The following AGPAT1 variants were observed in gnomAD, a reference collection of about 807,000 sequenced individuals.
AGPAT1 encodes the protein 1-acyl-sn-glycerol-3-phosphate acyltransferase alpha.
In AGPAT1, 6 loss-of-function variants were observed where a neutral mutation model predicts 31.2. That is an observed-to-expected ratio of 0.19 (90% CI 0.11 to 0.38). The LOEUF (loss-of-function observed/expected upper bound fraction) is 0.38, where lower values mean the gene tolerates loss of function less well. AGPAT1 is among the 10% of genes least tolerant of loss of function. The pLI, the probability that AGPAT1 is intolerant of heterozygous loss-of-function variation, is 1.00. For synonymous variants in AGPAT1, 139 were observed against 154.0 expected (o/e 0.90, Z 0.72); for missense variants, 187 against 377.8 (o/e 0.49, Z 4.19).
Position 32,170,298 on chromosome 6 carries a change from T to C in AGPAT1, c.511-38A>G. On this transcript the variant is annotated intron_variant, in intron 4 of 6. Coordinates refer to ENST00000375107, the MANE Select transcript of AGPAT1 (RefSeq NM_006411.4). The surrounding 1 kb of genome is among the most constrained non-coding windows in gnomAD (Gnocchi z 7.7). ...GAGGGTCAAAGAAGACAAATACATA[T>C]GGAGGAGTCAGAATAGGTGTGATGT... 1.2e-6 allele frequency: 2 copies of C among 1,607,012 alleles called. No individual in the cohort carries two copies. Among genetic ancestry groups the C allele is most frequent in the Non-Finnish European group, 1.7e-6 (2 of 1,175,752 alleles).
rs1249449050 is a variant in AGPAT1, at chr6:32,174,796, T to C, written c.-10+1018A>G. Reference sequence around the variant, plus strand: ...AAAGTCCAAGGATTTAGAAATGCAATGGAGGGCCAAATTTAATGAGCATAC... The same window carrying C: ...AAAGTCCAAGGATTTAGAAATGCAACGGAGGGCCAAATTTAATGAGCATAC... On this transcript the variant is annotated intron_variant, in intron 1 of 6. Transcript: ENST00000375107. This position sits in a 1 kb window ranked among gnomAD's most constrained non-coding sequence, Gnocchi z 4.5. Among the ~76,000 whole-genome samples the C allele has an allele frequency of 6.6e-6, 1 of 152,232 alleles. No homozygotes were observed. The highest frequency in any genetic ancestry group is 1.5e-5 in the Non-Finnish European group (1 of 68,040).
rs1785067187 is a variant in AGPAT1 at position 32,171,216 on chromosome 6, A to G, written c.200+81T>C. 1.9e-6 allele frequency: 3 copies of G among 1,606,348 alleles called. No homozygotes were observed. Among genetic ancestry groups the G allele is most frequent in the Non-Finnish European group, 2.6e-6 (3 of 1,175,938 alleles). ...TGGTCTCTCTCAGTCTTTTCTACAC[A>G]CACCATGCCCCCTTCCCCCAATCCA... is the stretch of plus-strand genomic sequence containing the variant. On this transcript the variant is annotated intron_variant, in intron 2 of 6. Transcript: ENST00000375107. The surrounding 1 kb of genome is among the most constrained non-coding windows in gnomAD (Gnocchi z 6.9).
rs1299669568 is a variant in AGPAT1, at chr6:32,170,288, CAA to C, written c.511-30_511-29del. On this transcript the variant is annotated intron_variant, in intron 4 of 6. Transcript: ENST00000375107. This position sits in a 1 kb window ranked among gnomAD's most constrained non-coding sequence, Gnocchi z 7.7. ...GGGGGAGAAAGAGGGTCAAAGAAGA[CAA>C]ATACATATGGAGGAGTCAGAATAGG... 1 of 1,608,370 alleles carries C rather than the reference CAA, an allele frequency of 6.2e-7. No individual in the cohort carries two copies. Among genetic ancestry groups the C allele is most frequent in the Admixed American group, 1.7e-5 (1 of 58,980 alleles).
Position 32,170,673 on chromosome 6 carries a change from G to T in AGPAT1, c.335-73C>A. ...CACAGAAGGCAACCCACCTCACCCA[G>T]CTCATCACCCTCTGGTAGGGACTGG... On this transcript the variant is annotated intron_variant, in intron 3 of 6. Transcript: ENST00000375107. The surrounding 1 kb of genome is among the most constrained non-coding windows in gnomAD (Gnocchi z 7.7). 2 of 1,546,308 alleles carry T rather than the reference G, an allele frequency of 1.3e-6. No homozygotes were observed. Among genetic ancestry groups the T allele is most frequent in the Non-Finnish European group, 1.8e-6 (2 of 1,132,692 alleles).
rs1784992165 is a variant in AGPAT1 at position 32,170,499 on chromosome 6, A to T, written c.436T>A (p.Phe146Ile). 1 of 1,612,966 alleles carries T rather than the reference A, an allele frequency of 6.2e-7. No homozygotes were observed. The highest frequency in any genetic ancestry group is 1.3e-5 in the African/African-American group (1 of 74,938). Residue 146 changes from phenylalanine to isoleucine, a missense_variant, in exon 4 of 7, where the codon TTC becomes ATC. Physicochemically the swap from Phe to Ile is conservative, Grantham distance 21. This residue lies in a region of AGPAT1 where 113 missense variants were observed against 283.1 expected (regional missense o/e 0.40). Coordinates refer to ENST00000375107, the MANE Select transcript of AGPAT1 (RefSeq NM_006411.4). This position sits in a 1 kb window ranked among gnomAD's most constrained non-coding sequence, Gnocchi z 7.7. ...GLACWLAGVI[F>I]IDRKRTGDAI... ...TCCCCCGTGCGCTTCCGGTCGATGAAGATGACTCCTGCCAGCCAGCAGGCC... is the reference window on the plus strand; with the variant it reads ...TCCCCCGTGCGCTTCCGGTCGATGATGATGACTCCTGCCAGCCAGCAGGCC...
At chr6:32,178,103 G>C (rs531796614), upstream of AGPAT1, 3 of 155,836 alleles carry the variant, frequency 1.9e-5, no homozygotes, top group East Asian at 1.9e-4. Context: ...AGGAAGCGAA[G>C]GAAAGAAAGG....
rs1785284462 is a variant in AGPAT1, at chr6:32,173,590, C to T, written c.-9-2085G>A. Among the ~76,000 whole-genome samples, 1 of 152,210 alleles carries T rather than the reference C, an allele frequency of 6.6e-6. No homozygotes were observed. Among genetic ancestry groups the T allele is most frequent in the African/African-American group, 2.4e-5 (1 of 41,452 alleles). Reference sequence around the variant, plus strand: ...ATAAGTTGACTTCTGCTTACATCTTCGACCACATCCTCACAAAACTCTTTG... The same window carrying T: ...ATAAGTTGACTTCTGCTTACATCTTTGACCACATCCTCACAAAACTCTTTG... On this transcript the variant is annotated intron_variant, in intron 1 of 6. Coordinates refer to ENST00000375107, the MANE Select transcript of AGPAT1 (RefSeq NM_006411.4). The surrounding 1 kb of genome is among the most constrained non-coding windows in gnomAD (Gnocchi z 4.7).
Position 32,175,717 on chromosome 6 carries a change from C to T in AGPAT1, c.-10+97G>A, listed in dbSNP as rs969848229. 2.3e-5 allele frequency: 14 copies of T among 618,224 alleles called. No homozygotes were observed. The East Asian group carries it at 1.3e-3, about 56-fold the overall frequency. The allele number at this position is 618,224 out of a possible 1,614,324, so 38.3% of individuals were successfully genotyped here. On this transcript the variant is annotated intron_variant, in intron 1 of 6. Coordinates refer to ENST00000375107, the MANE Select transcript of AGPAT1 (RefSeq NM_006411.4). The surrounding 1 kb of genome is among the most constrained non-coding windows in gnomAD (Gnocchi z 4.5). ...TCCTTTCCCCAGCAACCCTCTCCCCCAGTCGGCCCTCCCAGACCCAATCTC... is the reference window on the plus strand; with the variant it reads ...TCCTTTCCCCAGCAACCCTCTCCCCTAGTCGGCCCTCCCAGACCCAATCTC...
In AGPAT1 at chr6:32,175,469, G is replaced by T. The variant is rs1384665198; in HGVS notation, c.-10+345C>A. ...TATTCCTAAGAGGCAAATTCTGCTG[G>T]CCTTCTCCCCTCATGACCCTTCAAG... On this transcript the variant is annotated intron_variant, in intron 1 of 6. Coordinates refer to ENST00000375107, the MANE Select transcript of AGPAT1 (RefSeq NM_006411.4). The surrounding 1 kb of genome is among the most constrained non-coding windows in gnomAD (Gnocchi z 4.5). Among the ~76,000 whole-genome samples, 1 of 152,120 alleles carries T rather than the reference G, an allele frequency of 6.6e-6. No individual in the cohort carries two copies. The highest frequency in any genetic ancestry group is 1.5e-5 in the Non-Finnish European group (1 of 68,016).
Position 32,168,234 on chromosome 6 carries a change from G to GT in AGPAT1, c.*1041dup, listed in dbSNP as rs200419706. 0.011 allele frequency: 4,936 copies of GT among 459,520 alleles called. 205 individuals are homozygous for GT. The highest frequency in any genetic ancestry group is 0.084 in the East Asian group (2,510 of 29,918). 28.5% of individuals were successfully genotyped at this position (459,520 alleles called of 1,614,324 possible). Reference sequence around the variant, plus strand: ...AGATCTCTCTCTCTCTTTATTTTCAGTTTTTTTGCTGTTATCCAGATAATT... The same window carrying GT: ...AGATCTCTCTCTCTCTTTATTTTCAGTTTTTTTTGCTGTTATCCAGATAATT... On this transcript the variant is annotated 3_prime_UTR_variant, in exon 7 of 7. Transcript: ENST00000375107. This position sits in a 1 kb window ranked among gnomAD's most constrained non-coding sequence, Gnocchi z 4.5.
chr6:32,172,169 G>A lies in AGPAT1; in HGVS notation c.-9-664C>T, dbSNP rs1288652814. Among the ~76,000 whole-genome samples, 8 of 152,016 alleles carry A rather than the reference G, an allele frequency of 5.3e-5. No homozygotes were observed. The highest frequency in any genetic ancestry group is 1.5e-4 in the African/African-American group (6 of 41,372). On this transcript the variant is annotated intron_variant, in intron 1 of 6. Coordinates refer to ENST00000375107, the MANE Select transcript of AGPAT1 (RefSeq NM_006411.4). The surrounding 1 kb of genome is among the most constrained non-coding windows in gnomAD (Gnocchi z 4.3). Reference sequence around the variant, plus strand: ...TCTACTAAAAATACAAAAATTAGCCGGGCCTGTTGGCGCATGCCTTTAATC... The same window carrying A: ...TCTACTAAAAATACAAAAATTAGCCAGGCCTGTTGGCGCATGCCTTTAATC...
rs975811201 is a variant in AGPAT1 at position 32,169,433 on chromosome 6, C to T, written c.695G>A (p.Arg232Gln). 28 of 1,612,388 alleles carry T rather than the reference C, an allele frequency of 1.7e-5. No homozygotes were observed. Among genetic ancestry groups the T allele is most frequent in the Non-Finnish European group, 2.1e-5 (25 of 1,179,912 alleles). Residue 232 changes from arginine to glutamine, a missense_variant, in exon 7 of 7, where the codon CGG becomes CAG. Arg to Gln is a conservative substitution (Grantham distance 43). This residue lies in a region of AGPAT1 where 113 missense variants were observed against 283.1 expected (regional missense o/e 0.40). Coordinates refer to ENST00000375107, the MANE Select transcript of AGPAT1 (RefSeq NM_006411.4). The surrounding 1 kb of genome is among the most constrained non-coding windows in gnomAD (Gnocchi z 5.9). Reference protein sequence around the residue: ...RRFTSGQCQVRVLPPVPTEGL... With the variant: ...RRFTSGQCQVQVLPPVPTEGL... ...TTCCGTGGGCACTGGGGGCAGCACC[C>T]GCACCTGACATTGTCCTGGGGCAAG...
In AGPAT1 at chr6:32,171,395, G is replaced by T; in HGVS notation, c.102C>A (p.Tyr34Ter). 6.2e-7 allele frequency: 1 copy of T among 1,613,214 alleles called. No individual in the cohort carries two copies. Among genetic ancestry groups the T allele is most frequent in the Non-Finnish European group, 8.5e-7 (1 of 1,180,048 alleles). Residue 34 changes from tyrosine (Y) to a stop codon, truncating the protein, a stop_gained, in exon 2 of 7, where the codon TAC (tyrosine) becomes TAA (stop). Transcript: ENST00000375107. LOFTEE classifies it high-confidence loss of function. The surrounding 1 kb of genome is among the most constrained non-coding windows in gnomAD (Gnocchi z 6.9). Reference sequence around the variant, plus strand: ...CATTGTAGAAGGCCATCTTGAAGAAGTACTTGGCACTGGGGCTGCAGAACC... The same window carrying T: ...CATTGTAGAAGGCCATCTTGAAGAATTACTTGGCACTGGGGCTGCAGAACC... ...TLWFCSPSAK[Y>*]FFKMAFYNGW...
chr6:32,171,841 T>C lies in AGPAT1; in HGVS notation c.-9-336A>G, dbSNP rs1785136480. The C allele has an allele frequency of 6.4e-5, 29 of 456,616 alleles. No homozygotes were observed. In the South Asian group the frequency reaches 7.6e-4, roughly 12 times the overall value. The allele number at this position is 456,616 out of a possible 1,614,324, so 28.3% of individuals were successfully genotyped here. On this transcript the variant is annotated intron_variant, in intron 1 of 6. Coordinates refer to ENST00000375107, the MANE Select transcript of AGPAT1 (RefSeq NM_006411.4). This position sits in a 1 kb window ranked among gnomAD's most constrained non-coding sequence, Gnocchi z 6.9. ...CTTGTAGCTGGTAAGGGTCTTATAA[T>C]GGTCTATACTTGTGCTGTCCGAGAA... is the stretch of plus-strand genomic sequence containing the variant.
In AGPAT1 at chr6:32,176,013, G is replaced by A. The variant is rs1354319101; in HGVS notation, c.-209C>T. 1.0e-6 allele frequency: 1 copy of A among 985,154 alleles called. No individual in the cohort carries two copies. The highest frequency in any genetic ancestry group is 1.8e-5 in the African/African-American group (1 of 57,110). The allele number at this position is 985,154 out of a possible 1,614,324, so 61.0% of individuals were successfully genotyped here. On this transcript the variant is annotated 5_prime_UTR_variant, in exon 1 of 7. Transcript: ENST00000375107. ...GCCCATAGCGGTAGGAATGGTGGGG[G>A]GCTGTCCCCCCAGCACCCTCCCTCC...
In AGPAT1 at chr6:32,170,704, AAGG is replaced by A. The variant is rs1785014227; in HGVS notation, c.335-107_335-105del. The A allele has an allele frequency of 1.4e-6, 2 of 1,451,132 alleles. No individual in the cohort carries two copies. Among genetic ancestry groups the A allele is most frequent in the Non-Finnish European group, 1.9e-6 (2 of 1,051,262 alleles). The allele number at this position is 1,451,132 out of a possible 1,614,324, so 89.9% of individuals were successfully genotyped here. On this transcript the variant is annotated intron_variant, in intron 3 of 6. Coordinates refer to ENST00000375107, the MANE Select transcript of AGPAT1 (RefSeq NM_006411.4). The surrounding 1 kb of genome is among the most constrained non-coding windows in gnomAD (Gnocchi z 7.7). The stretch of plus-strand genomic sequence containing the variant: ...CACCCTCTGGTAGGGACTGGAGGTG[AAGG>A]AGGAGACTAGGCAGGGAGGGGGGCC...
In AGPAT1 at chr6:32,170,706, G is replaced by A. The variant is rs547555350; in HGVS notation, c.335-106C>T. On this transcript the variant is annotated intron_variant, in intron 3 of 6. Coordinates refer to ENST00000375107, the MANE Select transcript of AGPAT1 (RefSeq NM_006411.4). The surrounding 1 kb of genome is among the most constrained non-coding windows in gnomAD (Gnocchi z 7.7). ...CCCTCTGGTAGGGACTGGAGGTGAA[G>A]GAGGAGACTAGGCAGGGAGGGGGGC... 1.4e-6 allele frequency: 2 copies of A among 1,443,458 alleles called. No individual in the cohort carries two copies. Among genetic ancestry groups the A allele is most frequent in the East Asian group, 2.3e-5 (1 of 43,542 alleles). 89.4% of individuals were successfully genotyped at this position (1,443,458 alleles called of 1,614,324 possible). A position where few individuals can be genotyped will look rare whatever the true frequency, so the allele number is the denominator to read the frequency against.
chr6:32,176,494 T>TA (rs1785569709), upstream of AGPAT1: 1 of 985,560 alleles, frequency 1.0e-6, no homozygotes, highest in East Asian at 1.1e-4. Context: ...TAAACATTTA[T>TA]CAAGCATCTA....
rs1423237528 is a variant in AGPAT1 at position 32,173,057 on chromosome 6, G to C, written c.-9-1552C>G. The stretch of plus-strand genomic sequence containing the variant: ...TACAGTGTGTGAGGCCTCACCAAGT[G>C]AAAAAAGGAGGGAATGGAGTAAAGG... On this transcript the variant is annotated intron_variant, in intron 1 of 6. Transcript: ENST00000375107. The surrounding 1 kb of genome is among the most constrained non-coding windows in gnomAD (Gnocchi z 4.7). The C allele has an allele frequency of 6.6e-6, 1 of 152,038 alleles. No homozygotes were observed. Among genetic ancestry groups the C allele is most frequent in the Admixed American group, 6.5e-5 (1 of 15,270 alleles). The allele number at this position is 152,038 out of a possible 1,614,324, so 9.4% of individuals were successfully genotyped here.
Sources: allele counts gnomAD v4.1 joint callset (sites outside exome capture counted in the v4.1 genomes callset), GRCh38; gene constraint gnomAD v4.1.1; regional missense constraint gnomAD v4.1.1; non-coding constraint Gnocchi (gnomAD v3.1); transcripts MANE v1.5; gene names NCBI Gene and HGNC (gene_info 2026-07-23, HGNC 2026-07-21).